The following RBM20 variants were observed in gnomAD, a reference collection of about 807,000 sequenced individuals.
RBM20 encodes the protein RNA binding motif protein 20.
In RBM20, 51 loss-of-function variants were observed where a neutral mutation model predicts 110.1. The ratio of observed to expected loss-of-function variants is 0.46; its 90% confidence interval spans 0.37 to 0.59. The LOEUF (loss-of-function observed/expected upper bound fraction) is 0.59. Among genes scored for constraint, RBM20 ranks in the 20% least tolerant of loss-of-function variants. The pLI, the probability that RBM20 is intolerant of heterozygous loss-of-function variation, is 0.00. For synonymous variants in RBM20, 589 were observed against 618.2 expected, an observed-to-expected ratio of 0.95 and a Z score of 0.70; for missense variants, 1,512 against 1,574.9, an observed-to-expected ratio of 0.96 and a Z score of 0.68.
chr10:110,673,643 G>A (rs1862292278), intron 1 of RBM20, among the ~76,000 whole-genome samples: 1 of 152,230 alleles, frequency 6.6e-6, no homozygotes, highest in African/African-American at 2.4e-5. Flanking sequence ...AAGGCCACAG[G>A]CGAGGAGAGC....
intron 9 of RBM20, among the ~76,000 whole-genome samples, chr10:110,814,381 T>TG (rs59247193): frequency 0.2 from 31,144 of 152,096 alleles, 3,546 homozygotes; most frequent in African/African-American, 0.3. Flanking sequence ...TTACAGCGGA[T>TG]GAGCTGCTCT....
At position 110,649,403 on chromosome 10, in the gene RBM20, G is replaced by A. The variant is rs1001425804; in HGVS notation, c.191+4758G>A. ...AGAATACACAAAATGTTGGGAACTG[G>A]GGTTTAATCAAGGGATAGAAATTAA... is the stretch of plus-strand genomic sequence containing the variant. On this transcript the variant is annotated intron_variant, in intron 1 of 13. Coordinates refer to ENST00000369519, the MANE Select transcript of RBM20 (RefSeq NM_001134363.3). Among the ~76,000 whole-genome samples, 5 of 152,088 alleles carry A rather than the reference G, an allele frequency of 3.3e-5. No homozygotes were observed. The East Asian group carries it at 9.6e-4, about 29-fold the overall frequency.
chr10:110,688,087 AT>A (rs1408880772), intron 1 of RBM20, among the ~76,000 whole-genome samples: 29 of 151,294 alleles, frequency 1.9e-4, no homozygotes, highest in Non-Finnish European at 4.0e-4. Flanking sequence ...TGAGTTGATA[AT>A]TTTTAGAAAT....
Position 110,812,835 on chromosome 10 carries a change from G to A in RBM20, c.2438G>A (p.Arg813Lys). 4 of 1,528,332 alleles carry A rather than the reference G, an allele frequency of 2.6e-6. No individual in the cohort carries two copies. Among genetic ancestry groups the A allele is most frequent in the Non-Finnish European group, 3.5e-6 (4 of 1,136,320 alleles). 94.7% of individuals were successfully genotyped at this position (1,528,332 alleles called of 1,614,324 possible). Reference sequence around the variant, plus strand: ...GATGGGCTGGGGCCAAAGGTCACTAGGGCCCCTGAGGGCGCCAAGGCCAAG... The same window carrying A: ...GATGGGCTGGGGCCAAAGGTCACTAAGGCCCCTGAGGGCGCCAAGGCCAAG... ...KEDGLGPKVT[R>K]APEGAKAKQN... Residue 813 changes from arginine (R) to lysine (K), a missense_variant, in exon 9 of 14, where the codon AGG becomes AAG. Arg to Lys is a conservative substitution (Grantham distance 26). Transcript: ENST00000369519.
intron 7 of RBM20, among the ~76,000 whole-genome samples, chr10:110,805,283 G>A (rs1172529893): frequency 1.3e-5 from 2 of 152,312 alleles, no homozygotes; most frequent in East Asian, 1.9e-4. Flanking sequence ...CCTTGAAGAA[G>A]GGGAGAATTA....
At chr10:110,738,849 C>G (rs1055467765) in intron 1 of RBM20, among the ~76,000 whole-genome samples, 1 of 151,558 alleles carries the variant, frequency 6.6e-6, no homozygotes, top group Non-Finnish European at 1.5e-5. Flanking sequence ...GGGCTGCAGC[C>G]TTTGTGCCTG....
At chr10:110,780,773 G>A in intron 1 of RBM20, 28 bp from the exon 2 acceptor site, 3 of 1,478,114 alleles carry the variant, frequency 2.0e-6, no homozygotes, top group South Asian at 1.4e-5. Context: ...AAAACCAGCT[G>A]TGCATCTAGA....
intron 1 of RBM20, among the ~76,000 whole-genome samples, chr10:110,659,949 G>T (rs529851879): frequency 6.6e-6 from 1 of 151,472 alleles, no homozygotes; most frequent in Non-Finnish European, 1.5e-5. Context: ...AAGGAGCTGG[G>T]GCTACAGGTG....
rs77555440 is a variant in RBM20 at position 110,836,364 on chromosome 10, T to C, written c.*386T>C. The C allele has an allele frequency of 0.03, 4,769 of 157,944 alleles. 109 individuals are homozygous for C. The highest frequency in any genetic ancestry group is 0.044 in the Non-Finnish European group (3,172 of 71,770). The allele number at this position is 157,944 out of a possible 1,614,324, so 9.8% of individuals were successfully genotyped here. ...CAGTGTTTAAATTCTTGGTAGGATA[T>C]AACAGGTCAGGCCTAGCTGAGTCAG... On this transcript the variant is annotated 3_prime_UTR_variant, in exon 14 of 14. Coordinates refer to ENST00000369519, the MANE Select transcript of RBM20 (RefSeq NM_001134363.3).
At chr10:110,703,609 A>T (rs144694869) in intron 1 of RBM20, among the ~76,000 whole-genome samples, 72 of 152,278 alleles carry the variant, frequency 4.7e-4, no homozygotes, top group Non-Finnish European at 9.0e-4. Context: ...ACTCCTTTGT[A>T]TGTGTGTATA....
At chr10:110,645,864 TACAA>T (rs1564804580) in intron 1 of RBM20, among the ~76,000 whole-genome samples, 1 of 151,820 alleles carries the variant, frequency 6.6e-6, no homozygotes, top group Admixed American at 6.6e-5. Flanking sequence ...AACTTTCAAC[TACAA>T]ACAGTTTCCA....
chr10:110,811,634 TC>T (rs1234779111), intron 8 of RBM20, among the ~76,000 whole-genome samples: 3 of 152,184 alleles, frequency 2.0e-5, no homozygotes, highest in African/African-American at 7.2e-5. Flanking sequence ...GACGTGTAGA[TC>T]AGGATTCTAG....
At chr10:110,799,141 G>T (rs958851564) in intron 6 of RBM20, among the ~76,000 whole-genome samples, 14 of 152,160 alleles carry the variant, frequency 9.2e-5, no homozygotes, top group African/African-American at 3.1e-4. Context: ...AAGGAAAGTA[G>T]AACTCAAATA....
intron 9 of RBM20, among the ~76,000 whole-genome samples, chr10:110,815,569 G>T (rs1165441888): frequency 1.3e-5 from 2 of 152,172 alleles, no homozygotes; most frequent in African/African-American, 4.8e-5. Context: ...AGGGGCTCAA[G>T]GAAAGCCTGG....
At chr10:110,741,670 C>T (rs1165227349) in intron 1 of RBM20, among the ~76,000 whole-genome samples, 1 of 152,180 alleles carries the variant, frequency 6.6e-6, no homozygotes, top group Non-Finnish European at 1.5e-5. Context: ...TCTGTGGCAG[C>T]CTGAAATTGT....
At chr10:110,819,639 A>G (rs1447676584) in intron 9 of RBM20, among the ~76,000 whole-genome samples, 3 of 152,218 alleles carry the variant, frequency 2.0e-5, no homozygotes, top group Non-Finnish European at 2.9e-5. Flanking sequence ...CTTTCTACCT[A>G]TAAGTGTCCT....
intron 1 of RBM20, among the ~76,000 whole-genome samples, chr10:110,691,125 T>C (rs1168347563): frequency 2.0e-5 from 3 of 152,208 alleles, no homozygotes; most frequent in Non-Finnish European, 4.4e-5. Flanking sequence ...GCTCTTGCTC[T>C]CTACCCATAC....
At chr10:110,738,900 T>C (rs1843699585) in intron 1 of RBM20, among the ~76,000 whole-genome samples, 1 of 152,144 alleles carries the variant, frequency 6.6e-6, no homozygotes, top group South Asian at 2.1e-4. Flanking sequence ...TGTGTTGGTC[T>C]GAGAACTCTC....
At chr10:110,794,021 C>T (rs181762510) in intron 5 of RBM20, among the ~76,000 whole-genome samples, 127 of 152,304 alleles carry the variant, frequency 8.3e-4, no homozygotes, top group Non-Finnish European at 1.6e-3. Flanking sequence ...TCAGGATTGC[C>T]GGTGCCCCTG....
Sources: gnomAD v4.1 joint callset for allele counts (sites outside exome capture counted in the v4.1 genomes callset) on GRCh38, gnomAD v4.1.1 for gene constraint, MANE v1.5 for transcripts, NCBI Gene and HGNC (gene_info 2026-07-23, HGNC 2026-07-21) for gene names.